DNAJC3: variants seen among roughly 807,000 people sequenced by gnomAD.
DNAJC3 encodes the protein DnaJ heat shock protein family (Hsp40) member C3, also known as dnaJ homolog subfamily C member 3.
In DNAJC3, 38 loss-of-function variants were observed where a neutral mutation model predicts 68.6. The observed-to-expected ratio is 0.55, with a 90% confidence interval of 0.43 to 0.73. DNAJC3 has a LOEUF of 0.73. Ranked by LOEUF, DNAJC3 falls within the 30% of genes least tolerant of loss-of-function variation. DNAJC3 has a pLI of 0.00. For missense variants in DNAJC3, 526 were observed against 591.9 expected, an observed-to-expected ratio of 0.89 and a Z score of 1.16; for synonymous variants, 203 against 204.0, an observed-to-expected ratio of 1.00 and a Z score of 0.04.
At chr13:95,784,432 G>A (rs111452895) in intron 9 of DNAJC3, among the ~76,000 whole-genome samples, 47 of 152,044 alleles carry the variant, frequency 3.1e-4, no homozygotes, top group South Asian at 1.4e-3. Flanking sequence ...TCCCTGTGAC[G>A]TCATAAAGAA....
chr13:95,699,560 C>T (rs1407936247), intron 1 of DNAJC3, among the ~76,000 whole-genome samples: 1 of 152,026 alleles, frequency 6.6e-6, no homozygotes. Context: ...GAAAGCTTAC[C>T]CTGGTTTACA....
chr13:95,738,079 T>C (rs1167384942), intron 4 of DNAJC3, among the ~76,000 whole-genome samples: 2 of 148,374 alleles, frequency 1.3e-5, no homozygotes, highest in Admixed American at 1.4e-4. Flanking sequence ...TTTCGTTATG[T>C]ACCCAGTAGT....
chr13:95,724,708 T>C (rs1405532783), intron 3 of DNAJC3, among the ~76,000 whole-genome samples: 5 of 152,224 alleles, frequency 3.3e-5, no homozygotes, highest in African/African-American at 1.2e-4. Flanking sequence ...TTATCATAGA[T>C]TTGTTTCATA....
chr13:95,765,550 T>G (rs568507043), intron 9 of DNAJC3, among the ~76,000 whole-genome samples: 1 of 151,700 alleles, frequency 6.6e-6, no homozygotes, highest in Admixed American at 6.6e-5. Flanking sequence ...TTAGTGCTAA[T>G]TTAATATAAT....
At chr13:95,766,604 T>G (rs1030616371) in intron 9 of DNAJC3, among the ~76,000 whole-genome samples, 4 of 152,306 alleles carry the variant, frequency 2.6e-5, no homozygotes, top group African/African-American at 7.2e-5. Flanking sequence ...GCTGAATGAA[T>G]GAAGGTAATT....
At chr13:95,752,351 C>G (rs1882505553) in intron 4 of DNAJC3, among the ~76,000 whole-genome samples, 1 of 152,034 alleles carries the variant, frequency 6.6e-6, no homozygotes, top group South Asian at 2.1e-4. Context: ...TTTTCAAAAA[C>G]CAAATTTTAT....
intron 5 of DNAJC3, among the ~76,000 whole-genome samples, chr13:95,758,649 G>C (rs892110849): frequency 1.3e-5 from 2 of 151,658 alleles, no homozygotes; most frequent in Admixed American, 1.3e-4. Context: ...TAATAATAAT[G>C]GTTGATAGGA....
chr13:95,710,222 CCTTTT>C (rs1238213946), intron 2 of DNAJC3, among the ~76,000 whole-genome samples: 3 of 140,192 alleles, frequency 2.1e-5, no homozygotes, highest in Non-Finnish European at 4.5e-5. Flanking sequence ...GATTTTCTCT[CCTTTT>C]CTTTTCTTTT....
chr13:95,769,008 TATCTATATCTATATCTATATCTA>T (rs1375309672), intron 9 of DNAJC3, among the ~76,000 whole-genome samples: 7 of 101,498 alleles, frequency 6.9e-5, no homozygotes, highest in Non-Finnish European at 1.3e-4. Context: ...TCTATATCTA[TATCTATATCTATATCTATATCTA>T]ATCTATATCT....
rs181365524 is a variant in DNAJC3 at position 95,698,362 on chromosome 13, C to T, written c.83-10865C>T. ...ATGGGCTAGACAGTGGAAATTCCCC[C>T]ATCCCCTGAGCTTCTGTTTAGCAGT... On this transcript the variant is annotated intron_variant, in intron 1 of 11. Transcript: ENST00000602402. Among the ~76,000 whole-genome samples, 10 of 152,270 alleles carry T rather than the reference C, an allele frequency of 6.6e-5. No homozygotes were observed. In the East Asian group the frequency reaches 1.9e-3, roughly 29 times the overall value.
intron 9 of DNAJC3, among the ~76,000 whole-genome samples, chr13:95,773,168 T>A (rs866577308): frequency 0.014 from 1,951 of 144,488 alleles, 53 homozygotes; most frequent in African/African-American, 0.048. Context: ...TTTTTTTTTT[T>A]CATTTTGTTT....
chr13:95,678,712 G>A (rs1236430858), intron 1 of DNAJC3, among the ~76,000 whole-genome samples: 1 of 151,670 alleles, frequency 6.6e-6, no homozygotes, highest in Non-Finnish European at 1.5e-5. Flanking sequence ...AGTTGCCTAT[G>A]TTCTGTTTAA....
intron 4 of DNAJC3, among the ~76,000 whole-genome samples, chr13:95,735,051 A>G (rs1428074917): frequency 2.0e-5 from 3 of 148,442 alleles, no homozygotes; most frequent in African/African-American, 2.5e-5. Flanking sequence ...ATTCCCACCT[A>G]TGAGTGAGAA....
At chr13:95,716,481 G>A (rs1187539595) in intron 2 of DNAJC3, among the ~76,000 whole-genome samples, 3 of 152,226 alleles carry the variant, frequency 2.0e-5, no homozygotes, top group African/African-American at 7.2e-5. Flanking sequence ...TTATTGCAAG[G>A]ACGGGGCCAG....
intron 4 of DNAJC3, among the ~76,000 whole-genome samples, chr13:95,732,723 T>G (rs1881756285): frequency 6.6e-6 from 1 of 152,034 alleles, no homozygotes; most frequent in South Asian, 2.1e-4. Context: ...AATTTTGGGT[T>G]TGTTCTTCCT....
At chr13:95,722,165 T>TAC (rs1461971475) in intron 2 of DNAJC3, among the ~76,000 whole-genome samples, 3 of 152,228 alleles carry the variant, frequency 2.0e-5, no homozygotes, top group Non-Finnish European at 4.4e-5. Flanking sequence ...TCGTAGGTGC[T>TAC]GATAAGCAGA....
At chr13:95,764,201 G>A (rs922221670) in intron 9 of DNAJC3, among the ~76,000 whole-genome samples, 1 of 151,570 alleles carries the variant, frequency 6.6e-6, no homozygotes, top group Admixed American at 6.6e-5. Flanking sequence ...AGCTTTTTTT[G>A]TAGAAAGGAA....
At chr13:95,743,221 C>T (rs1882202978) in intron 4 of DNAJC3, among the ~76,000 whole-genome samples, 1 of 152,152 alleles carries the variant, frequency 6.6e-6, no homozygotes, top group South Asian at 2.1e-4. Flanking sequence ...TTAAACTTAG[C>T]AGAGTTTATT....
Position 95,679,298 on chromosome 13 carries a change from T to C in DNAJC3, c.82+1961T>C, listed in dbSNP as rs541281417. Among the ~76,000 whole-genome samples the C allele has an allele frequency of 8.2e-5, 12 of 145,502 alleles. No homozygotes were observed. The South Asian group carries it at 2.0e-3, about 24-fold the overall frequency. On this transcript the variant is annotated intron_variant, in intron 1 of 11. Coordinates refer to ENST00000602402, the MANE Select transcript of DNAJC3 (RefSeq NM_006260.5). ...CTTGAGTGTGCATCAGAATCGCACA[T>C]GGAGGGCTTTTTAAAACAGAGTGCT...
Sources: gnomAD v4.1 joint callset for allele counts (sites outside exome capture counted in the v4.1 genomes callset) on GRCh38, gnomAD v4.1.1 for gene constraint, MANE v1.5 for transcripts, NCBI Gene and HGNC (gene_info 2026-07-23, HGNC 2026-07-21) for gene names.